SIL1: variants seen among roughly 807,000 people sequenced by gnomAD.
SIL1 encodes nucleotide exchange factor SIL1.
In SIL1, 40 loss-of-function variants were observed where a neutral mutation model predicts 49.1. That is an observed-to-expected ratio of 0.81 (90% confidence interval 0.63 to 1.06). SIL1 has a LOEUF of 1.06. Among genes scored for constraint, SIL1 ranks in the 50% least tolerant of loss-of-function variants. The pLI is 0.00. For synonymous variants in SIL1, 253 were observed against 250.8 expected (o/e 1.01, Z -0.08); for missense variants, 500 against 572.6 (o/e 0.87, Z 1.29).
At chr5:139,112,721 G>T (rs1482132426) in intron 3 of SIL1, among the ~76,000 whole-genome samples, 8 of 139,590 alleles carry the variant, frequency 5.7e-5, no homozygotes, top group Non-Finnish European at 1.1e-4. Flanking sequence ...GCGGGAGGTG[G>T]GGGGCGCCTC....
chr5:139,172,508 C>G (rs1751792821), intron 1 of SIL1, among the ~76,000 whole-genome samples: 1 of 152,064 alleles, frequency 6.6e-6, no homozygotes, highest in Non-Finnish European at 1.5e-5. Context: ...TGGCAGGTGC[C>G]TGTAATCCCA....
chr5:139,002,192 A>G (rs1289383357), intron 7 of SIL1, among the ~76,000 whole-genome samples: 1 of 152,004 alleles, frequency 6.6e-6, no homozygotes, highest in Non-Finnish European at 1.5e-5. Context: ...CCTGGGTAAC[A>G]AAAGTGAGAA....
Position 139,143,494 on chromosome 5 carries a change from C to T in SIL1, c.-10-15641G>A, listed in dbSNP as rs182565901. On this transcript the variant is annotated intron_variant, in intron 1 of 9. Transcript: ENST00000394817. ...CAAGCGATTCTCATGCCTCAGCCTC[C>T]CAAGTAGCTGGGATTACAGGCATGT... Among the ~76,000 whole-genome samples, 39 of 151,854 alleles carry T rather than the reference C, an allele frequency of 2.6e-4. No individual in the cohort carries two copies. The East Asian group carries it at 3.3e-3, about 13-fold the overall frequency.
chr5:138,997,684 G>A (rs751483109), intron 7 of SIL1, among the ~76,000 whole-genome samples: 3 of 152,124 alleles, frequency 2.0e-5, no homozygotes, highest in South Asian at 4.1e-4. Context: ...TCAGCCTCCC[G>A]AATAGCTGGG....
intron 7 of SIL1, chr5:139,012,887 G>A (rs908237921): frequency 1.3e-5 from 2 of 152,234 alleles, no homozygotes; most frequent in African/African-American, 2.4e-5. Flanking sequence ...GCAGGAGACT[G>A]AGTCTGCAGT....
At chr5:138,991,125 A>C (rs191083025) in intron 7 of SIL1, among the ~76,000 whole-genome samples, 137 of 152,344 alleles carry the variant, frequency 9.0e-4, no homozygotes, top group African/African-American at 3.2e-3. Flanking sequence ...TGCAATTGCC[A>C]GTCAGAAAGA....
chr5:139,087,059 C>T (rs890909061), intron 3 of SIL1, among the ~76,000 whole-genome samples: 1 of 151,972 alleles, frequency 6.6e-6, no homozygotes, highest in Non-Finnish European at 1.5e-5. Flanking sequence ...ACTCGAACTC[C>T]TGGACTCAAG....
chr5:139,180,196 T>C (rs1174994461), intron 1 of SIL1, among the ~76,000 whole-genome samples: 1 of 151,306 alleles, frequency 6.6e-6, no homozygotes, highest in Non-Finnish European at 1.5e-5. Flanking sequence ...CTGACCAACA[T>C]GGGGAAACCT....
In SIL1 at chr5:139,173,548, T is replaced by C. The variant is rs150660414; in HGVS notation, c.-11+24721A>G. Among the ~76,000 whole-genome samples the C allele has an allele frequency of 7.6e-3, 1,161 of 151,820 alleles. 5 individuals carry two copies. Among genetic ancestry groups the C allele is most frequent in the Non-Finnish European group, 0.013 (850 of 67,952 alleles). On this transcript the variant is annotated intron_variant, in intron 1 of 9. Coordinates refer to ENST00000394817, the MANE Select transcript of SIL1 (RefSeq NM_022464.5). ...CTGGGAAACAGAGTGAGACGCTGTC[T>C]TAAAAATAAACAAAAATAAATAAAT...
chr5:138,979,110 G>C (rs1355329340), intron 7 of SIL1, among the ~76,000 whole-genome samples: 2 of 151,836 alleles, frequency 1.3e-5, no homozygotes, highest in African/African-American at 4.8e-5. Flanking sequence ...TCTGTCGCCA[G>C]GCTGGAGTGC....
intron 5 of SIL1, among the ~76,000 whole-genome samples, chr5:139,034,990 G>C (rs1012948260): frequency 6.6e-6 from 1 of 152,054 alleles, no homozygotes; most frequent in Non-Finnish European, 1.5e-5. Flanking sequence ...ATCTCACTGT[G>C]GTTTTGATTT....
chr5:139,157,134 CT>C (rs1187546084), intron 1 of SIL1, among the ~76,000 whole-genome samples: 2 of 152,230 alleles, frequency 1.3e-5, no homozygotes, highest in African/African-American at 4.8e-5. Flanking sequence ...ACTGCAAAAG[CT>C]TATCAGAGAC....
intron 1 of SIL1, among the ~76,000 whole-genome samples, chr5:139,189,598 G>A (rs987807219): frequency 1.3e-5 from 2 of 152,234 alleles, no homozygotes; most frequent in Non-Finnish European, 2.9e-5. Context: ...CAGGCGGGTG[G>A]ATCACCTGAG....
intron 1 of SIL1, among the ~76,000 whole-genome samples, chr5:139,161,080 C>T (rs1020482752): frequency 6.6e-6 from 1 of 151,588 alleles, no homozygotes; most frequent in Non-Finnish European, 1.5e-5. Flanking sequence ...CTCGTCTCTA[C>T]TAAAAACACA....
chr5:138,968,968 G>T (rs1013940170), intron 7 of SIL1, among the ~76,000 whole-genome samples: 1 of 151,974 alleles, frequency 6.6e-6, no homozygotes. Context: ...CTTGACCATG[G>T]GTCCTCCTCA....
At chr5:139,063,272 T>C (rs1026947370) in intron 3 of SIL1, among the ~76,000 whole-genome samples, 2 of 152,194 alleles carry the variant, frequency 1.3e-5, no homozygotes, top group Admixed American at 6.5e-5. Context: ...CCTTTAAGCA[T>C]GTGCAGTTAC....
intron 5 of SIL1, among the ~76,000 whole-genome samples, chr5:139,033,280 C>A (rs1202205852): frequency 6.6e-6 from 1 of 152,062 alleles, no homozygotes; most frequent in African/African-American, 2.4e-5. Flanking sequence ...TAGGCGTGAG[C>A]CACCGTGCCC....
At chr5:139,112,955 A>AAG (rs1374108509) in intron 3 of SIL1, among the ~76,000 whole-genome samples, 1 of 152,250 alleles carries the variant, frequency 6.6e-6, no homozygotes, top group African/African-American at 2.4e-5. Context: ...TGTACTAAGA[A>AAG]AGATTCTTCT....
chr5:139,155,852 T>A (rs931369510), intron 1 of SIL1, among the ~76,000 whole-genome samples: 1 of 151,696 alleles, frequency 6.6e-6, no homozygotes, highest in African/African-American at 2.4e-5. Context: ...TTTTTTTTTT[T>A]AAGACAGTCT....
Sources: gnomAD v4.1 joint callset for allele counts (sites outside exome capture counted in the v4.1 genomes callset) on GRCh38, gnomAD v4.1.1 for gene constraint, MANE v1.5 for transcripts, NCBI Gene and HGNC (gene_info 2026-07-23, HGNC 2026-07-21) for gene names.